AHRR: variants seen among roughly 807,000 people sequenced by gnomAD.
AHRR encodes the protein aryl hydrocarbon receptor repressor.
Under a neutral mutation model 44.0 loss-of-function variants are expected in AHRR, and 28 were observed. The observed-to-expected ratio is 0.64, with a 90% CI of 0.47 to 0.87. The LOEUF (loss-of-function observed/expected upper bound fraction) is 0.87. Among genes scored for constraint, AHRR ranks in the 40% least tolerant of loss-of-function variants. The probability of loss-of-function intolerance (pLI) is 0.00; values close to 1 mark genes in which losing one functional copy is unlikely to be tolerated. For missense variants in AHRR, 990 were observed against 953.9 expected, an observed-to-expected ratio of 1.04 and a Z score of -0.50; for synonymous variants, 434 against 407.0, an observed-to-expected ratio of 1.07 and a Z score of -0.80.
chr5:383,423 G>C lies in AHRR; in HGVS notation c.351+6707G>C, dbSNP rs1417248711. On this transcript the variant is annotated intron_variant, in intron 4 of 10. Coordinates refer to ENST00000684583, the MANE Select transcript of AHRR (RefSeq NM_001377236.1). This position sits in a 1 kb window ranked among gnomAD's most constrained non-coding sequence, Gnocchi z 4.0. ...TTATGTATTTTGGAATTCTGTTTTAGGGTACATACTCATTTAGGATATTAC... is the reference window on the plus strand; with the variant it reads ...TTATGTATTTTGGAATTCTGTTTTACGGTACATACTCATTTAGGATATTAC... Among the ~76,000 whole-genome samples, 1 of 152,096 alleles carries C rather than the reference G, an allele frequency of 6.6e-6. No homozygotes were observed. Among genetic ancestry groups the C allele is most frequent in the Non-Finnish European group, 1.5e-5 (1 of 68,032 alleles).
intron 5 of AHRR, among the ~76,000 whole-genome samples, chr5:418,044 G>A (rs566714341): frequency 1.4e-4 from 21 of 152,208 alleles, no homozygotes; most frequent in Non-Finnish European, 2.1e-4. Flanking sequence ...ATTAGAGCTC[G>A]TCGATCAGAG....
At chr5:413,313 A>ATTTTTTTTTTT (rs3215229) in intron 4 of AHRR, 31 bp from the exon 5 acceptor site, 1 of 1,326,912 alleles carries the variant, frequency 7.5e-7, no homozygotes, top group Non-Finnish European at 1.0e-6. Flanking sequence ...AGCCAATTCG[A>ATTTTTTTTTTT]TTTTTTTTTT....
intron 4 of AHRR, among the ~76,000 whole-genome samples, chr5:399,150 AGGGACG>A (rs1269140878): frequency 1.3e-5 from 2 of 152,174 alleles, no homozygotes; most frequent in Non-Finnish European, 2.9e-5. Flanking sequence ...GCAGGTGCAG[AGGGACG>A]GCCCAGGCCA....
chr5:368,118 C>CT (rs1343757612), intron 3 of AHRR: 23 of 593,588 alleles, frequency 3.9e-5, no homozygotes, highest in East Asian at 2.6e-4. Flanking sequence ...AATGGAGACT[C>CT]TGACAGCTGA....
chr5:403,348 C>T (rs559973631), intron 4 of AHRR, among the ~76,000 whole-genome samples: 54 of 152,270 alleles, frequency 3.5e-4, no homozygotes, highest in African/African-American at 1.3e-3. Context: ...TGAAATTTAA[C>T]CACTTAGGTC....
At chr5:400,362 C>G (rs541427011) in intron 4 of AHRR, among the ~76,000 whole-genome samples, 36 of 152,178 alleles carry the variant, frequency 2.4e-4, no homozygotes, top group African/African-American at 8.7e-4. Context: ...GAGCGTGGCT[C>G]CAGCCCTCAC....
At chr5:392,861 TG>T (rs759195492) in intron 4 of AHRR, among the ~76,000 whole-genome samples, 2 of 152,046 alleles carry the variant, frequency 1.3e-5, no homozygotes, top group African/African-American at 2.4e-5. Context: ...CTTGGCTGCT[TG>T]GACTGTCTCC....
chr5:394,042 C>T (rs1210837987), intron 4 of AHRR, among the ~76,000 whole-genome samples: 1 of 152,242 alleles, frequency 6.6e-6, no homozygotes, highest in Non-Finnish European at 1.5e-5. Flanking sequence ...TCTGTCGCTG[C>T]ACTGGTGGTG....
Position 435,086 on chromosome 5 carries a change from G to T in AHRR, c.*252G>T. On this transcript the variant is annotated 3_prime_UTR_variant, in exon 11 of 11. Transcript: ENST00000684583. ...CAAGCATGACAGCATTTCTCTTTGA[G>T]GAATTAAAATCTTTAGGAAAGTGAT... The T allele has an allele frequency of 1.9e-6, 1 of 531,190 alleles. No homozygotes were observed. Among genetic ancestry groups the T allele is most frequent in the Non-Finnish European group, 3.3e-6 (1 of 306,862 alleles). The allele number at this position is 531,190 out of a possible 1,614,324, so 32.9% of individuals were successfully genotyped here. A position where few individuals can be genotyped will look rare whatever the true frequency, so the allele number is the denominator to read the frequency against.
chr5:348,743 C>G (rs1384963404), intron 2 of AHRR, among the ~76,000 whole-genome samples: 1 of 152,224 alleles, frequency 6.6e-6, no homozygotes, highest in East Asian at 1.9e-4. Context: ...TGTTTATTTA[C>G]CTGTGGATGG....
chr5:396,926 C>T (rs1027957329), intron 4 of AHRR, among the ~76,000 whole-genome samples: 4 of 152,104 alleles, frequency 2.6e-5, no homozygotes, highest in East Asian at 1.9e-4. Context: ...CTGGGGCCCA[C>T]ACCGGCCTCT....
At chr5:343,992 G>T (rs1276017757) in intron 2 of AHRR, 28 bp downstream of exon 2, 1 of 1,588,226 alleles carries the variant, frequency 6.3e-7, no homozygotes, top group Non-Finnish European at 8.6e-7. Flanking sequence ...CTGCTTGTGT[G>T]GGTTGTTGCA....
At position 343,894 on chromosome 5, in the gene AHRR, C is replaced by A; in HGVS notation, c.-9C>A. On this transcript the variant is annotated splice_region_variant and 5_prime_UTR_variant, in exon 2 of 11. Coordinates refer to ENST00000684583, the MANE Select transcript of AHRR (RefSeq NM_001377236.1). ...ACCGGGTGCCCCCTTGTCTTCCAGG[C>A]CGAGGACGATGATCCCGCCGGGGGA... 6.3e-7 allele frequency: 1 copy of A among 1,598,746 alleles called. No homozygotes were observed. The highest frequency in any genetic ancestry group is 8.5e-7 in the Non-Finnish European group (1 of 1,173,680).
At chr5:331,189 C>G (rs1393840345) in intron 1 of AHRR, among the ~76,000 whole-genome samples, 4 of 152,072 alleles carry the variant, frequency 2.6e-5, no homozygotes, top group African/African-American at 9.7e-5. Flanking sequence ...GTGAGCTTTT[C>G]TTTTGGGGGA....
chr5:345,139 T>G (rs866673984), intron 2 of AHRR, among the ~76,000 whole-genome samples: 6 of 61,220 alleles, frequency 9.8e-5, no homozygotes, highest in African/African-American at 2.4e-4. Flanking sequence ...TGTGTGTGTG[T>G]GTGTGTGTGT....
intron 3 of AHRR, among the ~76,000 whole-genome samples, chr5:360,270 G>T (rs942692620): frequency 1.3e-5 from 2 of 152,238 alleles, no homozygotes; most frequent in African/African-American, 4.8e-5. Flanking sequence ...CTGCAGGCTG[G>T]AAAGAGAGCC....
rs534692582 is a variant in AHRR, at chr5:376,899, G to T, written c.351+183G>T. Among the ~76,000 whole-genome samples the T allele has an allele frequency of 2.6e-5, 4 of 152,282 alleles. No individual in the cohort carries two copies. In the South Asian group the frequency reaches 8.3e-4, roughly 32 times the overall value. The stretch of plus-strand genomic sequence containing the variant: ...AATCTGTTGAAGAAGGGTGTCCCTG[G>T]GTCGGGGTCAGCCTTGGGTGTGAGC... On this transcript the variant is annotated intron_variant, in intron 4 of 10. Coordinates refer to ENST00000684583, the MANE Select transcript of AHRR (RefSeq NM_001377236.1).
At chr5:398,948 G>A (rs747266582) in intron 4 of AHRR, among the ~76,000 whole-genome samples, 9 of 152,202 alleles carry the variant, frequency 5.9e-5, no homozygotes, top group Non-Finnish European at 1.2e-4. Flanking sequence ...CAGCACCACC[G>A]TGGCGCACCT....
chr5:400,395 C>T (rs1249170038), intron 4 of AHRR, among the ~76,000 whole-genome samples: 1 of 152,168 alleles, frequency 6.6e-6, no homozygotes, highest in African/African-American at 2.4e-5. Flanking sequence ...TCACCTGCCC[C>T]GACCTCCGTT....
Sources: gnomAD v4.1 joint callset for allele counts (sites outside exome capture counted in the v4.1 genomes callset) on GRCh38, gnomAD v4.1.1 for gene constraint, Gnocchi (gnomAD v3.1) non-coding constraint, MANE v1.5 for transcripts, NCBI Gene and HGNC (gene_info 2026-07-23, HGNC 2026-07-21) for gene names.